SRFBP1: variants seen among roughly 807,000 people sequenced by gnomAD.
SRFBP1 encodes the protein serum response factor binding protein 1.
In SRFBP1, 47 loss-of-function variants were observed where a neutral mutation model predicts 45.5. That is an observed-to-expected ratio of 1.03 (90% CI 0.82 to 1.32). The LOEUF (loss-of-function observed/expected upper bound fraction) is 1.32, where lower values mean the gene tolerates loss of function less well. Among genes scored for constraint, SRFBP1 ranks in the 40% most tolerant of loss-of-function variants. SRFBP1 has a pLI of 0.00. For synonymous variants in SRFBP1, 203 were observed against 166.3 expected (o/e 1.22, Z -1.70); for missense variants, 621 against 484.6 (o/e 1.28, Z -2.64).
At chr5:122,016,429 A>G (rs1415154197) in intron 4 of SRFBP1, among the ~76,000 whole-genome samples, 2 of 152,164 alleles carry the variant, frequency 1.3e-5, no homozygotes, top group Admixed American at 6.5e-5. Flanking sequence ...TAGCTGCTCT[A>G]TAGTTTGACT....
At chr5:122,040,309 T>C (rs1476496004) in intron 2 of SRFBP1, among the ~76,000 whole-genome samples, 2 of 152,162 alleles carry the variant, frequency 1.3e-5, no homozygotes, top group African/African-American at 4.8e-5. Context: ...AGGAACATGT[T>C]CAGTAGCCTA....
chr5:122,031,209 C>T (rs796149220), downstream of SRFBP1, among the ~76,000 whole-genome samples: 53 of 152,268 alleles, frequency 3.5e-4, no homozygotes, highest in African/African-American at 1.2e-3. Context: ...AGAATATAGA[C>T]TTTACAAATA....
chr5:121,979,557 T>C (rs1489395070), intron 3 of SRFBP1, among the ~76,000 whole-genome samples: 1 of 152,224 alleles, frequency 6.6e-6, no homozygotes, highest in African/African-American at 2.4e-5. Flanking sequence ...ACTATAATTA[T>C]TTCTGAGAGT....
At chr5:122,038,704 CTT>C (rs1219515377) in intron 2 of SRFBP1, among the ~76,000 whole-genome samples, 2 of 152,124 alleles carry the variant, frequency 1.3e-5, no homozygotes, top group African/African-American at 4.8e-5. Flanking sequence ...GGCTTGAAAA[CTT>C]TATTTAGGAA....
intron 2 of SRFBP1, among the ~76,000 whole-genome samples, chr5:122,073,380 G>A (rs557578617): frequency 2.8e-4 from 42 of 152,274 alleles, no homozygotes; most frequent in South Asian, 1.5e-3. Flanking sequence ...AAATATATAT[G>A]TGTGGAGAAA....
intron 2 of SRFBP1, among the ~76,000 whole-genome samples, chr5:122,052,976 T>C (rs1398351263): frequency 6.6e-6 from 1 of 152,082 alleles, no homozygotes; most frequent in Non-Finnish European, 1.5e-5. Context: ...TGGGTTTGGC[T>C]GGCTTGCTTT....
At chr5:121,982,816 CAT>C (rs1473667640) in intron 3 of SRFBP1, among the ~76,000 whole-genome samples, 1 of 151,600 alleles carries the variant, frequency 6.6e-6, no homozygotes, top group Non-Finnish European at 1.5e-5. Flanking sequence ...AGCAGTATAA[CAT>C]GGCTTTTTTT....
chr5:122,033,516 A>G (rs1003397852), downstream of SRFBP1, among the ~76,000 whole-genome samples: 6 of 151,518 alleles, frequency 4.0e-5, no homozygotes, highest in Non-Finnish European at 7.4e-5. Flanking sequence ...ACTGGAGTGC[A>G]CTGGTGCCAT....
chr5:122,041,557 C>T (rs997471497), intron 2 of SRFBP1, among the ~76,000 whole-genome samples: 15 of 151,688 alleles, frequency 9.9e-5, no homozygotes, highest in African/African-American at 3.4e-4. Context: ...TTTTTTCAAA[C>T]AGAATATTTC....
chr5:121,965,097 T>C lies in SRFBP1; in HGVS notation c.36+3029T>C, dbSNP rs1752035792. Among the ~76,000 whole-genome samples, 3 of 152,356 alleles carry C rather than the reference T, an allele frequency of 2.0e-5. 1 individual carries two copies. The highest frequency in any genetic ancestry group is 3.4e-3 in the Middle Eastern group (1 of 294). ...GTAGATTTTGGATATTAACCCTTTG[T>C]CCGATGGATAGATTGCAAAAATTTT... On this transcript the variant is annotated intron_variant, in intron 1 of 7. Transcript: ENST00000339397.
chr5:121,995,645 C>T (rs180951645), intron 4 of SRFBP1, among the ~76,000 whole-genome samples: 5,691 of 151,962 alleles, frequency 0.037, 316 homozygotes, highest in African/African-American at 0.12. Flanking sequence ...TAGCAGAAGG[C>T]AAGAAATAAC....
chr5:122,047,967 G>C (rs907968610), intron 2 of SRFBP1, among the ~76,000 whole-genome samples: 3 of 152,036 alleles, frequency 2.0e-5, no homozygotes, highest in Non-Finnish European at 4.4e-5. Context: ...GGGTTTTCTA[G>C]GTATACAATC....
intron 2 of SRFBP1, chr5:122,065,416 A>T (rs1754273095): frequency 6.6e-6 from 1 of 152,074 alleles, no homozygotes; most frequent in South Asian, 2.1e-4. Context: ...GTGTAATTTC[A>T]TTTTCTTGAA....
intron 6 of SRFBP1, among the ~76,000 whole-genome samples, chr5:122,021,733 G>A (rs1241088117): frequency 7.2e-6 from 1 of 137,972 alleles, no homozygotes; most frequent in African/African-American, 2.8e-5. Context: ...CTGGAGTGCA[G>A]TGGTGTGATC....
intron 3 of SRFBP1, among the ~76,000 whole-genome samples, chr5:121,979,820 C>T (rs1271906738): frequency 1.3e-5 from 2 of 152,138 alleles, no homozygotes; most frequent in East Asian, 3.9e-4. Context: ...AGAGCGTTTA[C>T]ATTTTGAAAC....
At chr5:122,040,496 A>G (rs531246587) in intron 2 of SRFBP1, among the ~76,000 whole-genome samples, 172 of 152,194 alleles carry the variant, frequency 1.1e-3, no homozygotes, top group Admixed American at 7.2e-4. Flanking sequence ...GCCAAAGCTT[A>G]GAGGGTCAAT....
chr5:122,048,964 C>G (rs1361624614), intron 2 of SRFBP1, among the ~76,000 whole-genome samples: 4 of 152,068 alleles, frequency 2.6e-5, no homozygotes, highest in South Asian at 2.1e-4. Context: ...TGCTAGCGGT[C>G]TATCAATTTT....
chr5:122,077,922 C>T (rs760735762), downstream of SRFBP1: 5 of 1,515,238 alleles, frequency 3.3e-6, no homozygotes, highest in Admixed American at 2.3e-5. This position sits in a 1 kb window ranked among gnomAD's most constrained non-coding sequence, Gnocchi z 4.9. Flanking sequence ...GCGGGAGGGG[C>T]GCAGTGCACT....
At chr5:122,013,633 T>A (rs1464986036) in intron 4 of SRFBP1, among the ~76,000 whole-genome samples, 2 of 152,142 alleles carry the variant, frequency 1.3e-5, no homozygotes, top group African/African-American at 4.8e-5. Context: ...TGGACAGATG[T>A]TTATAGAAAG....
Sources: allele counts gnomAD v4.1 joint callset (sites outside exome capture counted in the v4.1 genomes callset), GRCh38; gene constraint gnomAD v4.1.1; non-coding constraint Gnocchi (gnomAD v3.1); transcripts MANE v1.5; gene names NCBI Gene and HGNC (gene_info 2026-07-23, HGNC 2026-07-21).